VWA3B: variants seen among roughly 807,000 people sequenced by gnomAD.
VWA3B encodes the protein von Willebrand factor A domain containing 3B.
Under a neutral mutation model 158.3 loss-of-function variants are expected in VWA3B, and 138 were observed. The observed-to-expected ratio is 0.87, with a 90% CI of 0.76 to 1.00. The LOEUF (loss-of-function observed/expected upper bound fraction) is 1.00, where lower values mean the gene tolerates loss of function less well. VWA3B is among the 50% of genes least tolerant of loss of function. VWA3B has a pLI of 0.00. For synonymous variants in VWA3B, 596 were observed against 587.3 expected, an observed-to-expected ratio of 1.01 and a Z score of -0.21; for missense variants, 1,555 against 1,565.1, an observed-to-expected ratio of 0.99 and a Z score of 0.11.
At chr2:98,135,606 AT>A (rs879355393) in intron 7 of VWA3B, among the ~76,000 whole-genome samples, 2 of 151,990 alleles carry the variant, frequency 1.3e-5, no homozygotes, top group Admixed American at 6.5e-5. Context: ...AAGTGCTGGG[AT>A]TACAGGCGTG....
intron 19 of VWA3B, among the ~76,000 whole-genome samples, chr2:98,248,863 CT>C: frequency 2.0e-5 from 1 of 49,132 alleles, no homozygotes; most frequent in East Asian, 1.1e-3. Context: ...TTCTTTCTTT[CT>C]TTCTTTCTTT....
chr2:98,237,133 G>A (rs1208936569), intron 19 of VWA3B, among the ~76,000 whole-genome samples: 2 of 152,214 alleles, frequency 1.3e-5, no homozygotes, highest in Non-Finnish European at 2.9e-5. Flanking sequence ...CGGTGATTGC[G>A]TCACCGCATT....
At chr2:98,122,405 C>A (rs1046666988) in intron 5 of VWA3B, among the ~76,000 whole-genome samples, 4 of 152,174 alleles carry the variant, frequency 2.6e-5, no homozygotes, top group African/African-American at 9.7e-5. Flanking sequence ...GAAAGATAGC[C>A]CCCAGTGGTC....
intron 3 of VWA3B, among the ~76,000 whole-genome samples, chr2:98,116,176 G>A (rs1436844105): frequency 3.3e-5 from 5 of 152,126 alleles, no homozygotes; most frequent in African/African-American, 7.2e-5. Context: ...TGAGTCTCAC[G>A]TCTCCTACAT....
rs75930471 is a variant in VWA3B at position 98,233,364 on chromosome 2, G to A, written c.2309-1284G>A. ...TAGATAAATGTTTCATTCCGTATTTGTGGCCTTTGGGAATGGTATAGTTTT... is the reference window on the plus strand; with the variant it reads ...TAGATAAATGTTTCATTCCGTATTTATGGCCTTTGGGAATGGTATAGTTTT... On this transcript the variant is annotated intron_variant, in intron 16 of 27. Transcript: ENST00000477737. Among the ~76,000 whole-genome samples, 1,020 of 152,280 alleles carry A rather than the reference G, an allele frequency of 6.7e-3. 10 individuals are homozygous for A. Among genetic ancestry groups the A allele is most frequent in the African/African-American group, 0.023 (955 of 41,556 alleles).
intron 7 of VWA3B, among the ~76,000 whole-genome samples, chr2:98,142,370 C>T (rs1454534014): frequency 6.6e-6 from 1 of 152,152 alleles, no homozygotes; most frequent in Non-Finnish European, 1.5e-5. Flanking sequence ...CTGTTCTCCC[C>T]CAAGCCAAAG....
intron 23 of VWA3B, among the ~76,000 whole-genome samples, chr2:98,295,467 A>G (rs1190389105): frequency 1.3e-5 from 2 of 152,218 alleles, no homozygotes; most frequent in Non-Finnish European, 2.9e-5. Context: ...AGGCCTCCAT[A>G]GGAGCACAGG....
At chr2:98,257,938 A>T (rs965524438) in intron 21 of VWA3B, among the ~76,000 whole-genome samples, 2 of 151,956 alleles carry the variant, frequency 1.3e-5, no homozygotes, top group Non-Finnish European at 2.9e-5. Context: ...CCAAATACAA[A>T]ATCATGAGCA....
At chr2:98,124,006 T>G (rs894281730) in intron 5 of VWA3B, among the ~76,000 whole-genome samples, 1 of 152,248 alleles carries the variant, frequency 6.6e-6, no homozygotes, top group African/African-American at 2.4e-5. Context: ...TTTTGGTTTC[T>G]TTTAATCATA....
chr2:98,285,761 A>C (rs1050628121), intron 22 of VWA3B, among the ~76,000 whole-genome samples: 10 of 151,996 alleles, frequency 6.6e-5, no homozygotes, highest in Non-Finnish European at 1.3e-4. Context: ...TTTTAGATTC[A>C]ACTTCTCAAT....
rs75970963 is a variant in VWA3B, at chr2:98,309,426, G to A, written c.3522-2393G>A. Among the ~76,000 whole-genome samples, 21 of 152,262 alleles carry A rather than the reference G, an allele frequency of 1.4e-4. 1 individual carries two copies. The East Asian group carries it at 3.9e-3, about 28-fold the overall frequency. ...CATGGCTATGTATGAGTCGGCAGGA[G>A]GAGAGACCCTCCCAGGGCCAGGTGG... On this transcript the variant is annotated intron_variant, in intron 26 of 27. Transcript: ENST00000477737.
chr2:98,146,377 A>G, intron 7 of VWA3B, among the ~76,000 whole-genome samples: 1 of 152,228 alleles, frequency 6.6e-6, no homozygotes, highest in Non-Finnish European at 1.5e-5. Context: ...GGAAGGGGCT[A>G]AGATAGCCAT....
At chr2:98,256,537 G>A (rs1687154443) in intron 21 of VWA3B, among the ~76,000 whole-genome samples, 1 of 152,078 alleles carries the variant, frequency 6.6e-6, no homozygotes, top group Non-Finnish European at 1.5e-5. Flanking sequence ...GTTCACCCAG[G>A]TATCAGTACT....
chr2:98,290,864 A>T (rs1217190461), intron 23 of VWA3B: 1 of 415,098 alleles, frequency 2.4e-6, no homozygotes, highest in African/African-American at 2.1e-5. Flanking sequence ...TTTAGTAAAC[A>T]AATTTTTATT....
chr2:98,182,188 C>G (rs1322169193), intron 9 of VWA3B, among the ~76,000 whole-genome samples: 1 of 152,218 alleles, frequency 6.6e-6, no homozygotes, highest in African/African-American at 2.4e-5. Flanking sequence ...CAAGGCCCCC[C>G]CCTCAAATGC....
chr2:98,237,123 C>T (rs988234420), intron 19 of VWA3B, among the ~76,000 whole-genome samples: 4 of 152,178 alleles, frequency 2.6e-5, no homozygotes, highest in Non-Finnish European at 5.9e-5. Flanking sequence ...CTGCAGTGAG[C>T]GGTGATTGCG....
intron 7 of VWA3B, among the ~76,000 whole-genome samples, chr2:98,139,421 T>A (rs1573879985): frequency 6.6e-6 from 1 of 152,232 alleles, no homozygotes; most frequent in African/African-American, 2.4e-5. Context: ...CAGCTCCACC[T>A]GAAGCCCCTG....
chr2:98,089,914 T>G (rs867927204), intron 1 of VWA3B, among the ~76,000 whole-genome samples: 4 of 152,168 alleles, frequency 2.6e-5, no homozygotes, highest in South Asian at 4.1e-4. Flanking sequence ...TTGCCTTTTT[T>G]GGGGATCAAA....
chr2:98,207,054 G>C (rs187734617), intron 12 of VWA3B: 1 of 503,758 alleles, frequency 2.0e-6, no homozygotes, highest in South Asian at 1.5e-5. Context: ...ATGTACTCCT[G>C]TTTATTGATA....
Sources: allele counts gnomAD v4.1 joint callset (sites outside exome capture counted in the v4.1 genomes callset), GRCh38; gene constraint gnomAD v4.1.1; transcripts MANE v1.5; gene names NCBI Gene and HGNC (gene_info 2026-07-23, HGNC 2026-07-21).